The following DAPK1 variants were observed in gnomAD, a reference collection of about 807,000 sequenced individuals.
The protein encoded by DAPK1 is death-associated protein kinase 1.
A neutral mutation model predicts 144.9 loss-of-function variants in DAPK1; 56 were observed. That is an observed-to-expected ratio of 0.39 (90% CI 0.31 to 0.48). The LOEUF is 0.48. DAPK1 is among the 20% of genes least tolerant of loss of function. DAPK1 has a pLI of 0.95. For synonymous variants in DAPK1, 690 were observed against 749.0 expected (o/e 0.92, Z 1.29); for missense variants, 1,454 against 1,875.4 (o/e 0.78, Z 4.15).
chr9:87,582,132 G>C (rs1440663945), intron 2 of DAPK1, among the ~76,000 whole-genome samples: 1 of 151,950 alleles, frequency 6.6e-6, no homozygotes, highest in African/African-American at 2.4e-5. Context: ...TTCTCCTCCG[G>C]TCTTTTTTTT....
At chr9:87,638,735 G>A (rs1490374066) in intron 4 of DAPK1, among the ~76,000 whole-genome samples, 1 of 152,190 alleles carries the variant, frequency 6.6e-6, no homozygotes, top group Non-Finnish European at 1.5e-5. Flanking sequence ...AGCTGGGATA[G>A]GATTTCAGAG....
At chr9:87,691,911 A>G (rs565184295) in intron 21 of DAPK1, among the ~76,000 whole-genome samples, 2 of 152,112 alleles carry the variant, frequency 1.3e-5, no homozygotes, top group East Asian at 1.9e-4. Flanking sequence ...TATATGTTCT[A>G]TCCTGGAGAA....
intron 25 of DAPK1, among the ~76,000 whole-genome samples, chr9:87,705,366 C>T (rs1432696158): frequency 6.6e-6 from 1 of 151,380 alleles, no homozygotes; most frequent in South Asian, 2.1e-4. Flanking sequence ...AGCCTACAGA[C>T]ACAAGCCATC....
intron 2 of DAPK1, among the ~76,000 whole-genome samples, chr9:87,563,856 T>C (rs1426665390): frequency 4.6e-5 from 7 of 152,198 alleles, no homozygotes; most frequent in Admixed American, 4.6e-4. Flanking sequence ...ATGATTGCCA[T>C]TTGGGCCCCT....
intron 3 of DAPK1, among the ~76,000 whole-genome samples, chr9:87,627,265 C>T (rs1430531772): frequency 2.0e-5 from 3 of 152,166 alleles, no homozygotes; most frequent in East Asian, 1.9e-4. Flanking sequence ...GGCCTCAGGT[C>T]CCCTTGACCC....
chr9:87,550,511 G>A (rs1826437392), intron 2 of DAPK1, among the ~76,000 whole-genome samples: 1 of 152,184 alleles, frequency 6.6e-6, no homozygotes, highest in African/African-American at 2.4e-5. Context: ...TCTGCACATG[G>A]CATTCTGCTT....
At chr9:87,696,286 T>TA in intron 21 of DAPK1, among the ~76,000 whole-genome samples, 1 of 152,314 alleles carries the variant, frequency 6.6e-6, no homozygotes, top group East Asian at 1.9e-4. Flanking sequence ...GATACATATA[T>TA]ACACACACAT....
chr9:87,686,668 C>A lies in DAPK1; in HGVS notation c.2342C>A (p.Thr781Asn), dbSNP rs1416404655. Residue 781 changes from threonine to asparagine, a missense_variant, in exon 21 of 26, where the codon ACC becomes AAC. Thr to Asn is a moderately conservative substitution (Grantham distance 65). Transcript: ENST00000408954. The surrounding 1 kb of genome is among the most constrained non-coding windows in gnomAD (Gnocchi z 4.2). Reference protein sequence around the residue: ...KGMLEVFVAPTHHPHCSADDQ... With the variant: ...KGMLEVFVAPNHHPHCSADDQ... ...ATGCTGGAGGTGTTTGTGGCCCCGA[C>A]CCACCACCCGCACTGCTCGGCCGAT... 4.3e-6 allele frequency: 7 copies of A among 1,612,928 alleles called. No individual in the cohort carries two copies. The highest frequency in any genetic ancestry group is 1.6e-4 in the Middle Eastern group (1 of 6,062).
intron 2 of DAPK1, among the ~76,000 whole-genome samples, chr9:87,512,049 C>T (rs1405929734): frequency 1.3e-5 from 2 of 152,008 alleles, no homozygotes; most frequent in African/African-American, 4.8e-5. Context: ...CAAGAGAAAC[C>T]ATCTTTTATT....
At chr9:87,659,776 G>A (rs1489440482) in intron 18 of DAPK1, among the ~76,000 whole-genome samples, 2 of 152,200 alleles carry the variant, frequency 1.3e-5, no homozygotes, top group Middle Eastern at 6.8e-3. Context: ...CCTCAGAGCC[G>A]CACCCGCAGC....
chr9:87,587,368 A>G (rs1827972160), intron 2 of DAPK1, among the ~76,000 whole-genome samples: 1 of 152,216 alleles, frequency 6.6e-6, no homozygotes, highest in Admixed American at 6.5e-5. Context: ...TGTGTTTCTT[A>G]TATAGAATAA....
intron 2 of DAPK1, among the ~76,000 whole-genome samples, chr9:87,571,469 A>ACCCCCC (rs1564000772): frequency 1.8e-5 from 1 of 54,498 alleles, no homozygotes; most frequent in African/African-American, 9.2e-5. Context: ...ACACACACAC[A>ACCCCCC]CACACCAACA....
intron 2 of DAPK1, among the ~76,000 whole-genome samples, chr9:87,570,972 A>G (rs943012235): frequency 6.6e-6 from 1 of 152,316 alleles, no homozygotes; most frequent in Non-Finnish European, 1.5e-5. Context: ...TTTGAGGCTG[A>G]TAGAAAAGTC....
intron 2 of DAPK1, among the ~76,000 whole-genome samples, chr9:87,519,396 A>C (rs1471250963): frequency 6.6e-6 from 1 of 152,198 alleles, no homozygotes; most frequent in South Asian, 2.1e-4. Context: ...CTGCAACCCA[A>C]TGGCAATTGT....
intron 2 of DAPK1, among the ~76,000 whole-genome samples, chr9:87,602,308 C>T (rs1828552699): frequency 6.6e-6 from 1 of 152,210 alleles, no homozygotes; most frequent in Non-Finnish European, 1.5e-5. Flanking sequence ...TTATCCCCTC[C>T]TCACCAGCCA....
chr9:87,615,441 A>G (rs370745569), intron 3 of DAPK1, among the ~76,000 whole-genome samples: 2 of 152,368 alleles, frequency 1.3e-5, no homozygotes, highest in South Asian at 4.1e-4. Flanking sequence ...ACACTATTCA[A>G]TTAACAGAGT....
intron 2 of DAPK1, among the ~76,000 whole-genome samples, chr9:87,562,700 T>A (rs760006952): frequency 1.3e-5 from 2 of 152,254 alleles, no homozygotes; most frequent in Non-Finnish European, 2.9e-5. Flanking sequence ...TGTAACCACC[T>A]GACATACTGT....
intron 15 of DAPK1, 138 bp downstream of exon 15, chr9:87,649,017 G>A (rs922597972): frequency 6.9e-6 from 5 of 723,900 alleles, no homozygotes; most frequent in East Asian, 2.6e-5. Context: ...GGCTCAAGGG[G>A]CAGGGACTCA....
chr9:87,616,106 C>A (rs1474591154), intron 3 of DAPK1, among the ~76,000 whole-genome samples: 1 of 152,244 alleles, frequency 6.6e-6, no homozygotes, highest in Non-Finnish European at 1.5e-5. Context: ...GGGCCCCTCA[C>A]CTTTCTGCTT....
Sources: gnomAD v4.1 joint callset for allele counts (sites outside exome capture counted in the v4.1 genomes callset) on GRCh38, gnomAD v4.1.1 for gene constraint, Gnocchi (gnomAD v3.1) non-coding constraint, MANE v1.5 for transcripts, NCBI Gene and HGNC (gene_info 2026-07-23, HGNC 2026-07-21) for gene names.